The following DDAH1 variants were observed in gnomAD, a reference collection of about 807,000 sequenced individuals.
DDAH1 encodes N(G),N(G)-dimethylarginine dimethylaminohydrolase 1.
Under a neutral mutation model 28.8 loss-of-function variants are expected in DDAH1, and 19 were observed. The observed-to-expected ratio is 0.66, with a 90% CI of 0.46 to 0.97. The LOEUF (loss-of-function observed/expected upper bound fraction) is 0.97. Among genes scored for constraint, DDAH1 ranks in the 50% least tolerant of loss-of-function variants. The pLI, the probability that DDAH1 is intolerant of heterozygous loss-of-function variation, is 0.00. For synonymous variants in DDAH1, 153 were observed against 154.4 expected, an observed-to-expected ratio of 0.99 and a Z score of 0.07; for missense variants, 326 against 375.9, an observed-to-expected ratio of 0.87 and a Z score of 1.10.
intron 1 of DDAH1, among the ~76,000 whole-genome samples, chr1:85,512,501 G>A (rs1347791789): frequency 6.6e-6 from 1 of 152,162 alleles, no homozygotes; most frequent in Admixed American, 6.5e-5. Flanking sequence ...TCTGGCCAGG[G>A]CAATCAGTCA....
chr1:85,413,982 T>C (rs777372867), intron 1 of DDAH1, among the ~76,000 whole-genome samples: 4 of 152,252 alleles, frequency 2.6e-5, no homozygotes, highest in African/African-American at 7.2e-5. Context: ...TGAAAATGTG[T>C]TTCCTACTAA....
At chr1:85,470,952 C>T (rs1655597406) in intron 2 of DDAH1, among the ~76,000 whole-genome samples, 1 of 152,168 alleles carries the variant, frequency 6.6e-6, no homozygotes, top group South Asian at 2.1e-4. Flanking sequence ...ATTCCTGGCC[C>T]TCCTACATTC....
At chr1:85,576,111 T>G (rs1002837565) in intron 1 of DDAH1, among the ~76,000 whole-genome samples, 5 of 146,718 alleles carry the variant, frequency 3.4e-5, no homozygotes, top group Non-Finnish European at 6.0e-5. Context: ...AAGAAAATGG[T>G]GTTACCAAGA....
intron 2 of DDAH1, among the ~76,000 whole-genome samples, chr1:85,491,514 C>T (rs1047997266): frequency 6.6e-6 from 1 of 152,148 alleles, no homozygotes; most frequent in African/African-American, 2.4e-5. Context: ...GGAGAAAGCT[C>T]ATCTGCAAAG....
chr1:85,536,482 G>A (rs1483287353), intron 1 of DDAH1, among the ~76,000 whole-genome samples: 2 of 152,164 alleles, frequency 1.3e-5, no homozygotes, highest in African/African-American at 2.4e-5. Flanking sequence ...GAACCCGGGA[G>A]GCGAAGGTTG....
chr1:85,478,572 C>A (rs758403371), intron 2 of DDAH1, among the ~76,000 whole-genome samples: 4 of 152,152 alleles, frequency 2.6e-5, no homozygotes, highest in Admixed American at 6.5e-5. Context: ...ATAGGAAAAC[C>A]CACCCCCATG....
intron 1 of DDAH1, among the ~76,000 whole-genome samples, chr1:85,572,625 A>G (rs969278654): frequency 1.3e-5 from 2 of 152,226 alleles, no homozygotes; most frequent in South Asian, 4.1e-4. Flanking sequence ...GGCCCCATAG[A>G]TGCTTCCAAC....
chr1:85,465,309 C>CGCCGGGCGAGGAGTGGG (rs1553138394), upstream of DDAH1: 8 of 768,010 alleles, frequency 1.0e-5, no homozygotes, highest in African/African-American at 1.9e-5. Flanking sequence ...TAGCGGCGAG[C>CGCCGGGCGAGGAGTGGG]GCCGGGCGAG....
intron 1 of DDAH1, among the ~76,000 whole-genome samples, chr1:85,501,016 T>C (rs1278964147): frequency 6.6e-6 from 1 of 152,224 alleles, no homozygotes; most frequent in Non-Finnish European, 1.5e-5. Context: ...AAGAGTTGTT[T>C]TAAAGCCTTT....
intron 5 of DDAH1, 85 bp downstream of exon 5, chr1:85,324,654 AG>A: frequency 2.1e-6 from 3 of 1,454,144 alleles, no homozygotes; most frequent in Non-Finnish European, 9.5e-7. Flanking sequence ...ATACAGGAAA[AG>A]GAGGCTCCTA....
At chr1:85,402,772 G>A (rs1450249560) in intron 1 of DDAH1, among the ~76,000 whole-genome samples, 2 of 151,986 alleles carry the variant, frequency 1.3e-5, no homozygotes, top group South Asian at 2.1e-4. Flanking sequence ...AGCCAGACAC[G>A]GTGGTGGGCA....
chr1:85,486,418 T>G (rs542485785), intron 2 of DDAH1, among the ~76,000 whole-genome samples: 1 of 152,166 alleles, frequency 6.6e-6, no homozygotes. Flanking sequence ...ATTCAGCTCT[T>G]ACAAGTCAAT....
At chr1:85,538,840 CGG>C (rs1452011591) in intron 1 of DDAH1, among the ~76,000 whole-genome samples, 1 of 152,138 alleles carries the variant, frequency 6.6e-6, no homozygotes, top group Non-Finnish European at 1.5e-5. Flanking sequence ...TGTGTGCCTG[CGG>C]GATCAATTAT....
At chr1:85,403,363 C>G (rs1324916269) in intron 1 of DDAH1, among the ~76,000 whole-genome samples, 1 of 151,800 alleles carries the variant, frequency 6.6e-6, no homozygotes, top group Middle Eastern at 3.2e-3. Flanking sequence ...AAGAATAATT[C>G]AAAACGTGCG....
chr1:85,446,460 G>T (rs2124140), intron 1 of DDAH1, among the ~76,000 whole-genome samples: 5,461 of 152,194 alleles, frequency 0.036, 188 homozygotes, highest in East Asian at 0.16. Flanking sequence ...TTTAAGATGA[G>T]ATTTTGGTAG....
At chr1:85,555,222 G>T (rs1000425711) in intron 1 of DDAH1, among the ~76,000 whole-genome samples, 7 of 152,238 alleles carry the variant, frequency 4.6e-5, no homozygotes, top group Non-Finnish European at 1.0e-4. Flanking sequence ...ATAGGAGATA[G>T]TGGATTCGAC....
rs183101367 is a variant in DDAH1 at position 85,345,186 on chromosome 1, T to C, written c.597+5229A>G. ...TTGTTTAACTATGTGCATGAAAGAATAGAATATTTATTCTTTGGGGGGGTT... is the reference window on the plus strand; with the variant it reads ...TTGTTTAACTATGTGCATGAAAGAACAGAATATTTATTCTTTGGGGGGGTT... On this transcript the variant is annotated intron_variant, in intron 4 of 5. Coordinates refer to ENST00000284031, the MANE Select transcript of DDAH1 (RefSeq NM_012137.4). 7.2e-4 allele frequency among the ~76,000 whole-genome samples: 109 copies of C among 152,316 alleles called. 1 individual carries two copies. In the South Asian group the frequency reaches 0.013, roughly 18 times the overall value.
chr1:85,531,466 A>G lies in DDAH1; in HGVS notation c.-122-35185T>C, dbSNP rs529486122. 1.1e-3 allele frequency among the ~76,000 whole-genome samples: 168 copies of G among 152,368 alleles called. 1 individual carries two copies. Among genetic ancestry groups the G allele is most frequent in the African/African-American group, 3.8e-3 (160 of 41,580 alleles). On this transcript the variant is annotated intron_variant, in intron 1 of 6. Transcript: ENST00000426972. ...CAGTGTTCATGTATTTTAGTGAATA[A>G]TAGTGGGGATAATTTGGGGAATAAC... is the stretch of plus-strand genomic sequence containing the variant.
chr1:85,491,680 G>A (rs554161263), intron 2 of DDAH1, among the ~76,000 whole-genome samples: 12 of 152,254 alleles, frequency 7.9e-5, no homozygotes, highest in Admixed American at 2.6e-4. Context: ...TTGGAATTCC[G>A]TCATTTGCAA....
Sources: gnomAD v4.1 joint callset for allele counts (sites outside exome capture counted in the v4.1 genomes callset) on GRCh38, gnomAD v4.1.1 for gene constraint, MANE v1.5 for transcripts, NCBI Gene and HGNC (gene_info 2026-07-23, HGNC 2026-07-21) for gene names.